RCAN3: variants seen among roughly 807,000 people sequenced by gnomAD.
RCAN3 encodes regulator of calcineurin 3.
RCAN3 carries 19 observed loss-of-function variants against 21.9 expected under a neutral mutation model. The observed-to-expected ratio is 0.87, with a 90% CI of 0.61 to 1.27. RCAN3 has a LOEUF of 1.27. Ranked by LOEUF, RCAN3 falls within the 50% of genes most tolerant of loss-of-function variation. The pLI is 0.00. For missense variants in RCAN3, 240 were observed against 300.1 expected (o/e 0.80, Z 1.48); for synonymous variants, 114 against 112.3 (o/e 1.01, Z -0.09).
chr1:24,512,967 G>A (rs778313186), intron 1 of RCAN3, among the ~76,000 whole-genome samples: 3 of 152,204 alleles, frequency 2.0e-5, no homozygotes, highest in African/African-American at 4.8e-5. Context: ...ACCAGGCGCG[G>A]TGGCTCACAC....
intron 4 of RCAN3, 59 bp downstream of exon 4, chr1:24,533,313 T>A (rs1415799897): frequency 2.4e-5 from 32 of 1,344,748 alleles, no homozygotes; most frequent in Middle Eastern, 1.9e-4. Flanking sequence ...TTGAAGATCG[T>A]ATTCAGCAGT....
At chr1:24,514,943 T>A (rs1648177667) in intron 2 of RCAN3, among the ~76,000 whole-genome samples, 1 of 145,486 alleles carries the variant, frequency 6.9e-6, no homozygotes, top group East Asian at 2.1e-4. Flanking sequence ...CACTTAAGCC[T>A]GGGGGACAGA....
intron 2 of RCAN3, among the ~76,000 whole-genome samples, chr1:24,516,519 A>G (rs551789019): frequency 6.6e-5 from 10 of 152,284 alleles, no homozygotes; most frequent in East Asian, 1.9e-4. Context: ...TTTCGGGAGT[A>G]GCAAGCCATT....
chr1:24,529,297 A>G (rs1191991102), intron 2 of RCAN3, among the ~76,000 whole-genome samples: 1 of 151,746 alleles, frequency 6.6e-6, no homozygotes, highest in African/African-American at 2.4e-5. Context: ...TCATGCCTGT[A>G]ATCCCAGCAT....
intron 1 of RCAN3, among the ~76,000 whole-genome samples, chr1:24,510,808 C>T (rs1345178271): frequency 6.6e-6 from 1 of 152,182 alleles, no homozygotes; most frequent in Non-Finnish European, 1.5e-5. Flanking sequence ...ACGTATCTTC[C>T]TCAGCAGGCT....
At chr1:24,519,213 ATG>A (rs201004728) in intron 2 of RCAN3, among the ~76,000 whole-genome samples, 1,973 of 120,862 alleles carry the variant, frequency 0.016, 41 homozygotes, top group African/African-American at 0.075. Context: ...GCCTGGCCTG[ATG>A]TTTTTTTTTT....
chr1:24,511,946 A>G (rs760627309), intron 1 of RCAN3, among the ~76,000 whole-genome samples: 1 of 152,182 alleles, frequency 6.6e-6, no homozygotes, highest in Non-Finnish European at 1.5e-5. Context: ...GAGCACGGCA[A>G]GAAGAGATCA....
chr1:24,512,165 C>A (rs1216137134), intron 1 of RCAN3, among the ~76,000 whole-genome samples: 1 of 152,028 alleles, frequency 6.6e-6, no homozygotes, highest in Non-Finnish European at 1.5e-5. Flanking sequence ...GCCTGGCCAA[C>A]ATGTGAAACC....
intron 1 of RCAN3, among the ~76,000 whole-genome samples, chr1:24,508,114 C>CA (rs372631148): frequency 3.5e-4 from 51 of 143,702 alleles, no homozygotes; most frequent in Middle Eastern, 3.4e-3. Context: ...AACTCCGTCT[C>CA]AAAAAAAAAA....
At chr1:24,517,839 AT>A (rs1648468128) in intron 2 of RCAN3, among the ~76,000 whole-genome samples, 2 of 151,318 alleles carry the variant, frequency 1.3e-5, no homozygotes, top group Admixed American at 6.6e-5. Context: ...TTAAAGAAAC[AT>A]TTTTTAAGAT....
chr1:24,509,161 A>G (rs543286881), intron 1 of RCAN3, among the ~76,000 whole-genome samples: 17 of 152,176 alleles, frequency 1.1e-4, no homozygotes, highest in Non-Finnish European at 2.5e-4. Context: ...ACCCCACCCC[A>G]TCTCAAAAAA....
rs1475980670 is a variant in RCAN3 at position 24,537,526 on chromosome 1, A to G, written c.*2249A>G. The G allele has an allele frequency of 6.6e-6, 1 of 152,150 alleles. No individual in the cohort carries two copies. The highest frequency in any genetic ancestry group is 2.4e-5 in the African/African-American group (1 of 41,438). The allele number at this position is 152,150 out of a possible 1,614,324, so 9.4% of individuals were successfully genotyped here. The stretch of plus-strand genomic sequence containing the variant: ...ATCTAGTTCATGTAACAAATTTACA[A>G]GAGATAAGTCTCATGGTTTTTTTTT... On this transcript the variant is annotated 3_prime_UTR_variant, in exon 5 of 5. Transcript: ENST00000374395.
In RCAN3 at chr1:24,535,391, T is replaced by C. The variant is rs1199521704; in HGVS notation, c.*114T>C. 8.2e-7 allele frequency: 1 copy of C among 1,212,900 alleles called. No individual in the cohort carries two copies. Among genetic ancestry groups the C allele is most frequent in the Admixed American group, 3.5e-5 (1 of 28,406 alleles). The allele number at this position is 1,212,900 out of a possible 1,614,324, so 75.1% of individuals were successfully genotyped here. A position where few individuals can be genotyped will look rare whatever the true frequency, so the allele number is the denominator to read the frequency against. ...ATAGGTGAGACTCTGCCGAGTGAGG[T>C]ATAGGTCTTCTCACCACGCCTGTAC... On this transcript the variant is annotated 3_prime_UTR_variant, in exon 5 of 5. Transcript: ENST00000374395.
At chr1:24,502,654 G>A (rs891510928), upstream of RCAN3, among the ~76,000 whole-genome samples, 4 of 151,982 alleles carry the variant, frequency 2.6e-5, no homozygotes, top group Admixed American at 1.3e-4. Context: ...TAAAGCCCCC[G>A]CCCCAGCGCT....
chr1:24,510,033 ATC>A (rs1037360241), intron 1 of RCAN3, among the ~76,000 whole-genome samples: 3 of 152,072 alleles, frequency 2.0e-5, no homozygotes, highest in African/African-American at 7.2e-5. Context: ...TTTGAAAGGG[ATC>A]TCTCTTTTTT....
At chr1:24,533,335 C>A in intron 4 of RCAN3, 81 bp downstream of exon 4, 1 of 1,158,622 alleles carries the variant, frequency 8.6e-7, no homozygotes, top group Non-Finnish European at 1.2e-6. Context: ...TGCATTGTGG[C>A]AGTATGATTA....
In RCAN3 at chr1:24,535,425, C is replaced by A; in HGVS notation, c.*148C>A. ...TCTCACCACGCCTGTACTGCAGACACGGTCGTGTAGAGTAGCAGCTGATTT... is the reference window on the plus strand; with the variant it reads ...TCTCACCACGCCTGTACTGCAGACAAGGTCGTGTAGAGTAGCAGCTGATTT... On this transcript the variant is annotated 3_prime_UTR_variant, in exon 5 of 5. Transcript: ENST00000374395. 1 of 775,364 alleles carries A rather than the reference C, an allele frequency of 1.3e-6. No individual in the cohort carries two copies. The highest frequency in any genetic ancestry group is 1.8e-6 in the Non-Finnish European group (1 of 541,642). The allele number at this position is 775,364 out of a possible 1,614,324, so 48.0% of individuals were successfully genotyped here.
rs762680495 is a variant in RCAN3, at chr1:24,538,294, ATGT to A, written c.*3021_*3023del. ...TCTTTTCACATTCTGCTTCTTCAAA[ATGT>A]TGTACTCAAAAACATACCAGTAATT... On this transcript the variant is annotated 3_prime_UTR_variant, in exon 5 of 5. Transcript: ENST00000374395. 22 of 152,242 alleles carry A rather than the reference ATGT, an allele frequency of 1.4e-4. No homozygotes were observed. Among genetic ancestry groups the A allele is most frequent in the African/African-American group, 4.1e-4 (17 of 41,472 alleles). 9.4% of individuals were successfully genotyped at this position (152,242 alleles called of 1,614,324 possible).
At chr1:24,523,635 CACACACAT>C (rs1193308692) in intron 2 of RCAN3, among the ~76,000 whole-genome samples, 41 of 139,808 alleles carry the variant, frequency 2.9e-4, no homozygotes, top group Middle Eastern at 3.6e-3. Flanking sequence ...CACACACACA[CACACACAT>C]ATATATTTTT....
Sources: allele counts gnomAD v4.1 joint callset (sites outside exome capture counted in the v4.1 genomes callset), GRCh38; gene constraint gnomAD v4.1.1; transcripts MANE v1.5; gene names NCBI Gene and HGNC (gene_info 2026-07-23, HGNC 2026-07-21).